The following RCAN1 variants were observed in gnomAD, a reference collection of about 807,000 sequenced individuals.
The protein encoded by RCAN1 is regulator of calcineurin 1, also known as calcipressin-1.
In RCAN1, 11 loss-of-function variants were observed where a neutral mutation model predicts 22.9. The ratio of observed to expected loss-of-function variants is 0.48; its 90% CI spans 0.30 to 0.79. RCAN1 has a LOEUF of 0.79. Among genes scored for constraint, RCAN1 ranks in the 30% least tolerant of loss-of-function variants. The probability of loss-of-function intolerance (pLI) is 0.06; values close to 1 mark genes in which losing one functional copy is unlikely to be tolerated. For synonymous variants in RCAN1, 136 were observed against 142.3 expected (o/e 0.96, Z 0.32); for missense variants, 291 against 337.8 (o/e 0.86, Z 1.09).
At chr21:34,542,793 TGG>T (rs1985973054) in intron 1 of RCAN1, among the ~76,000 whole-genome samples, 1 of 151,978 alleles carries the variant, frequency 6.6e-6, no homozygotes, top group Non-Finnish European at 1.5e-5. Flanking sequence ...AGTGGAACAG[TGG>T]GTGTAAGAGG....
At chr21:34,539,082 G>T (rs1348222301) in intron 1 of RCAN1, among the ~76,000 whole-genome samples, 1 of 152,134 alleles carries the variant, frequency 6.6e-6, no homozygotes, top group Non-Finnish European at 1.5e-5. Context: ...AAGATTAGCG[G>T]TAAATTCAAA....
intron 1 of RCAN1, among the ~76,000 whole-genome samples, chr21:34,532,429 C>T (rs1985442070): frequency 6.6e-6 from 1 of 152,332 alleles, no homozygotes; most frequent in East Asian, 1.9e-4. Context: ...ACGTCTGTCT[C>T]CAGCACCGTG....
Position 34,614,853 on chromosome 21 carries a change from G to A in RCAN1, c.159C>T (p.Asp53=). 1 of 1,478,052 alleles carries A rather than the reference G, an allele frequency of 6.8e-7. No individual in the cohort carries two copies. Among genetic ancestry groups the A allele is most frequent in the Non-Finnish European group, 9.0e-7 (1 of 1,111,854 alleles). The allele number at this position is 1,478,052 out of a possible 1,614,324, so 91.6% of individuals were successfully genotyped here. The change falls in exon 1 of 4, where the codon GAC becomes GAT. Residue 53 remains aspartate, a synonymous_variant. Coordinates refer to ENST00000313806, the MANE Select transcript of RCAN1 (RefSeq NM_004414.7). The surrounding 1 kb of genome is among the most constrained non-coding windows in gnomAD (Gnocchi z 6.0). ...GCAGGTCCACCTCCTCCATCTCGCAGTCAATGAAGCTCCAGTCGCCGCCGC... is the reference window on the plus strand; with the variant it reads ...GCAGGTCCACCTCCTCCATCTCGCAATCAATGAAGCTCCAGTCGCCGCCGC... ...DEGGGDWSFI[D]CEMEEVDLQD... is the part of the protein sequence containing the mutation.
intron 1 of RCAN1, among the ~76,000 whole-genome samples, chr21:34,597,221 C>G (rs1202141989): frequency 6.6e-6 from 1 of 152,196 alleles, no homozygotes; most frequent in Non-Finnish European, 1.5e-5. Flanking sequence ...AAAGTAAACA[C>G]TCCTCGGTAG....
chr21:34,519,750 A>G (rs1984359101), intron 3 of RCAN1, among the ~76,000 whole-genome samples: 1 of 151,900 alleles, frequency 6.6e-6, no homozygotes, highest in Non-Finnish European at 1.5e-5. Flanking sequence ...CGCACCAACC[A>G]CTGTGTGATT....
At position 34,614,171 on chromosome 21, in the gene RCAN1, G is replaced by A; in HGVS notation, c.252+589C>T. 1 of 927,234 alleles carries A rather than the reference G, an allele frequency of 1.1e-6. No individual in the cohort carries two copies. The highest frequency in any genetic ancestry group is 1.3e-6 in the Non-Finnish European group (1 of 760,060). 57.4% of individuals were successfully genotyped at this position (927,234 alleles called of 1,614,324 possible). ...CCACACCTTCACACAAGGGGGCAAGGTTCTTGACTAAATATCCTAAAGGTC... is the reference window on the plus strand; with the variant it reads ...CCACACCTTCACACAAGGGGGCAAGATTCTTGACTAAATATCCTAAAGGTC... On this transcript the variant is annotated intron_variant, in intron 1 of 3. Coordinates refer to ENST00000313806, the MANE Select transcript of RCAN1 (RefSeq NM_004414.7). The surrounding 1 kb of genome is among the most constrained non-coding windows in gnomAD (Gnocchi z 6.0).
chr21:34,531,810 C>G (rs1271338568), intron 1 of RCAN1, among the ~76,000 whole-genome samples: 1 of 152,202 alleles, frequency 6.6e-6, no homozygotes, highest in Non-Finnish European at 1.5e-5. Flanking sequence ...TGCTCTCCCT[C>G]TCCCTGGATT....
At chr21:34,530,282 C>A (rs991874995) in intron 1 of RCAN1, among the ~76,000 whole-genome samples, 1 of 152,204 alleles carries the variant, frequency 6.6e-6, no homozygotes, top group Admixed American at 6.5e-5. Context: ...GCATTTGCCT[C>A]CTCTGGCTCC....
intron 1 of RCAN1, among the ~76,000 whole-genome samples, chr21:34,552,025 C>T (rs1160597766): frequency 6.6e-6 from 1 of 152,170 alleles, no homozygotes; most frequent in African/African-American, 2.4e-5. Flanking sequence ...GTAGGACTCA[C>T]GTGATGTCTC....
intron 2 of RCAN1, 48 bp from the exon 3 acceptor site, chr21:34,521,706 G>A (rs769973961): frequency 1.5e-5 from 23 of 1,515,790 alleles, no homozygotes; most frequent in Middle Eastern, 1.7e-4. Context: ...GGGAAGAACT[G>A]CAGTGAGGCA....
At position 34,614,715 on chromosome 21, in the gene RCAN1, A is replaced by G. The variant is rs942221471; in HGVS notation, c.252+45T>C. 3 of 1,377,666 alleles carry G rather than the reference A, an allele frequency of 2.2e-6. No individual in the cohort carries two copies. The allele number at this position is 1,377,666 out of a possible 1,614,324, so 85.3% of individuals were successfully genotyped here. A position where few individuals can be genotyped will look rare whatever the true frequency, so the allele number is the denominator to read the frequency against. ...ACCCGCGCCGCCTCCTCGGGCAACA[A>G]GTGTCCGCCCTCCGCCCCGACGGCC... On this transcript the variant is annotated intron_variant, in intron 1 of 3. Coordinates refer to ENST00000313806, the MANE Select transcript of RCAN1 (RefSeq NM_004414.7). The surrounding 1 kb of genome is among the most constrained non-coding windows in gnomAD (Gnocchi z 6.0).
At chr21:34,566,373 C>T (rs1233285885) in intron 1 of RCAN1, among the ~76,000 whole-genome samples, 1 of 152,244 alleles carries the variant, frequency 6.6e-6, no homozygotes, top group African/African-American at 2.4e-5. Flanking sequence ...CTGAAAGTTA[C>T]ACTTCATGGC....
chr21:34,542,455 C>T (rs755451782), intron 1 of RCAN1, among the ~76,000 whole-genome samples: 24 of 152,142 alleles, frequency 1.6e-4, no homozygotes, highest in Non-Finnish European at 3.5e-4. Flanking sequence ...CGAACTGAGG[C>T]TGCTGGCCCA....
rs1195378514 is a variant in RCAN1, at chr21:34,521,000, C to G, written c.586+499G>C. 3 of 992,476 alleles carry G rather than the reference C, an allele frequency of 3.0e-6. No individual in the cohort carries two copies. In the African/African-American group the frequency reaches 5.1e-5, roughly 17 times the overall value. 61.5% of individuals were successfully genotyped at this position (992,476 alleles called of 1,614,324 possible). On this transcript the variant is annotated intron_variant, in intron 3 of 3. Coordinates refer to ENST00000313806, the MANE Select transcript of RCAN1 (RefSeq NM_004414.7). The stretch of plus-strand genomic sequence containing the variant: ...CCACAGGCCCTGGGGTAGGGCAGCC[C>G]GACCGCGGCCCTTCCCTCACCATGG...
chr21:34,525,399 G>C, intron 1 of RCAN1: 1 of 1,440,322 alleles, frequency 6.9e-7, no homozygotes, highest in African/African-American at 1.4e-5. Flanking sequence ...CGGAGCTGGC[G>C]GACGGTAGAG....
At chr21:34,601,566 C>T (rs183095913) in intron 1 of RCAN1, among the ~76,000 whole-genome samples, 8 of 152,266 alleles carry the variant, frequency 5.3e-5, no homozygotes, top group East Asian at 3.9e-4. Context: ...CACCTGTAAT[C>T]CCAGCACTTT....
At chr21:34,559,245 G>A (rs542598537) in intron 1 of RCAN1, 76 of 152,280 alleles carry the variant, frequency 5.0e-4, no homozygotes, top group African/African-American at 1.7e-3. Flanking sequence ...GTAGTGTTGG[G>A]AAGTTTAATA....
intron 1 of RCAN1, among the ~76,000 whole-genome samples, chr21:34,612,749 G>A (rs2123741049): frequency 6.6e-6 from 1 of 152,296 alleles, no homozygotes; most frequent in Non-Finnish European, 1.5e-5. Flanking sequence ...CCTCCCCTAG[G>A]TTTCCAGCCA....
In RCAN1 at chr21:34,613,974, G is replaced by A. The variant is rs1988749826; in HGVS notation, c.252+786C>T. 20 of 776,042 alleles carry A rather than the reference G, an allele frequency of 2.6e-5. No individual in the cohort carries two copies. In the East Asian group the frequency reaches 6.5e-4, roughly 25 times the overall value. The allele number at this position is 776,042 out of a possible 1,614,324, so 48.1% of individuals were successfully genotyped here. A position where few individuals can be genotyped will look rare whatever the true frequency, so the allele number is the denominator to read the frequency against. ...GCCCACGTTGTCCACATTTTATTCT[G>A]CACAATAACTGCAGATTTGAAATAA... On this transcript the variant is annotated intron_variant, in intron 1 of 3. Coordinates refer to ENST00000313806, the MANE Select transcript of RCAN1 (RefSeq NM_004414.7).
Sources: allele counts gnomAD v4.1 joint callset (sites outside exome capture counted in the v4.1 genomes callset), GRCh38; gene constraint gnomAD v4.1.1; non-coding constraint Gnocchi (gnomAD v3.1); transcripts MANE v1.5; gene names NCBI Gene and HGNC (gene_info 2026-07-23, HGNC 2026-07-21).